The following DLGAP2 variants were observed in gnomAD, a reference collection of about 807,000 sequenced individuals.
DLGAP2 encodes disks large-associated protein 2.
In DLGAP2, 26 loss-of-function variants were observed where a neutral mutation model predicts 100.3. That is an observed-to-expected ratio of 0.26 (90% CI 0.19 to 0.36). The LOEUF is 0.36. Among genes scored for constraint, DLGAP2 ranks in the 10% least tolerant of loss-of-function variants. DLGAP2 has a pLI of 1.00. For missense variants in DLGAP2, 1,858 were observed against 1,453.2 expected, an observed-to-expected ratio of 1.28 and a Z score of -4.53; for synonymous variants, 886 against 630.1, an observed-to-expected ratio of 1.41 and a Z score of -6.08.
rs1210790522 is a variant in DLGAP2, at chr8:1,706,758, T to C, written c.*5352T>C. 1 of 152,116 alleles carries C rather than the reference T, an allele frequency of 6.6e-6. No homozygotes were observed. Among genetic ancestry groups the C allele is most frequent in the East Asian group, 1.9e-4 (1 of 5,188 alleles). 9.4% of individuals were successfully genotyped at this position (152,116 alleles called of 1,614,324 possible). A position where few individuals can be genotyped will look rare whatever the true frequency, so the allele number is the denominator to read the frequency against. ...AATTATTTGGAAGCCGAAAACCGCA[T>C]GGGTGGGGAAACATCAGGAACGAAA... On this transcript the variant is annotated 3_prime_UTR_variant, in exon 15 of 15. Transcript: ENST00000637795.
chr8:1,138,628 C>G (rs929056938), intron 2 of DLGAP2, among the ~76,000 whole-genome samples: 1 of 152,250 alleles, frequency 6.6e-6, no homozygotes, highest in Non-Finnish European at 1.5e-5. Context: ...CCAACGAATT[C>G]CGTCTTTAAA....
chr8:1,640,271 C>G (rs990852013), intron 8 of DLGAP2, among the ~76,000 whole-genome samples: 8 of 152,076 alleles, frequency 5.3e-5, no homozygotes, highest in Non-Finnish European at 1.2e-4. Context: ...GCTCAGAGTT[C>G]ACCCTGGGAA....
chr8:1,204,118 G>C (rs1018869605), intron 2 of DLGAP2, among the ~76,000 whole-genome samples: 2 of 152,348 alleles, frequency 1.3e-5, no homozygotes, highest in Admixed American at 6.5e-5. Context: ...TCTCTGAAAA[G>C]GTTGCCATAC....
chr8:1,350,726 T>C lies in DLGAP2; in HGVS notation c.106+91843T>C, dbSNP rs866510812. 9.0e-4 allele frequency among the ~76,000 whole-genome samples: 67 copies of C among 74,778 alleles called. 2 individuals carry two copies. The highest frequency in any genetic ancestry group is 1.2e-3 in the African/African-American group (23 of 18,772). The allele number at this position is 74,778 out of a possible 152,430, so 49.1% of individuals were successfully genotyped here. On this transcript the variant is annotated intron_variant, in intron 3 of 14. Coordinates refer to ENST00000637795, the MANE Select transcript of DLGAP2 (RefSeq NM_001346810.2). ...GTCCTGAGTGTGCGTGGAAAGGCCG[T>C]GCGGGTCCTGAGTGTGTGTGGAAAG...
At chr8:1,308,987 C>A (rs533666004) in intron 3 of DLGAP2, among the ~76,000 whole-genome samples, 74 of 152,170 alleles carry the variant, frequency 4.9e-4, no homozygotes, top group Non-Finnish European at 9.1e-4. Flanking sequence ...AGAGGTTCAG[C>A]AGCAGATTTG....
chr8:1,060,778 C>G (rs911982574), intron 2 of DLGAP2, among the ~76,000 whole-genome samples: 1 of 152,162 alleles, frequency 6.6e-6, no homozygotes, highest in East Asian at 1.9e-4. Flanking sequence ...CAGAGAGGGG[C>G]CTGCGGGTTC....
At chr8:1,218,194 T>A (rs1163898658) in intron 2 of DLGAP2, among the ~76,000 whole-genome samples, 1 of 152,248 alleles carries the variant, frequency 6.6e-6, no homozygotes, top group East Asian at 1.9e-4. Flanking sequence ...TTTTCTAGGT[T>A]CTCTTCCAGA....
At chr8:1,178,517 AAC>A (rs1181466060) in intron 2 of DLGAP2, among the ~76,000 whole-genome samples, 2 of 152,208 alleles carry the variant, frequency 1.3e-5, no homozygotes, top group African/African-American at 4.8e-5. Context: ...AACGTTGACA[AAC>A]ACAGCACTTG....
intron 2 of DLGAP2, among the ~76,000 whole-genome samples, chr8:1,167,875 C>T (rs952778420): frequency 6.8e-6 from 1 of 148,120 alleles, no homozygotes; most frequent in Non-Finnish European, 1.5e-5. Context: ...AAGTACTTAA[C>T]CTGAGTCCAT....
rs149103680 is a variant in DLGAP2, at chr8:1,138,075, G to A, written c.74-120776G>A. 5.4e-4 allele frequency among the ~76,000 whole-genome samples: 83 copies of A among 152,328 alleles called. No individual in the cohort carries two copies. The Middle Eastern group carries it at 0.014, about 25-fold the overall frequency. ...AAGCTTTTCACATCCACACTGCCCCGCTGACACCGGGATGGCAGCTCTTAA... is the reference window on the plus strand; with the variant it reads ...AAGCTTTTCACATCCACACTGCCCCACTGACACCGGGATGGCAGCTCTTAA... On this transcript the variant is annotated intron_variant, in intron 2 of 14. Transcript: ENST00000637795.
intron 2 of DLGAP2, among the ~76,000 whole-genome samples, chr8:1,151,640 G>A (rs1033794407): frequency 1.3e-5 from 2 of 152,286 alleles, no homozygotes; most frequent in South Asian, 2.1e-4. Context: ...GAAAGGAGGA[G>A]GGCAGAGAGC....
chr8:1,309,865 C>T lies in DLGAP2; in HGVS notation c.106+50982C>T, dbSNP rs188240399. Among the ~76,000 whole-genome samples the T allele has an allele frequency of 5.1e-3, 772 of 152,254 alleles. 3 individuals are homozygous for T. Among genetic ancestry groups the T allele is most frequent in the Middle Eastern group, 0.024 (7 of 294 alleles). On this transcript the variant is annotated intron_variant, in intron 3 of 14. Transcript: ENST00000637795. ...ATCCCAGCACTTTGGGAGGCCAAGG[C>T]GGGCAGATTTCTTGAGGTCAGGAGT... is the stretch of plus-strand genomic sequence containing the variant.
chr8:1,032,760 G>C (rs1802010710), intron 2 of DLGAP2: 1 of 152,230 alleles, frequency 6.6e-6, no homozygotes, highest in African/African-American at 2.4e-5. Flanking sequence ...GTAGAAATGA[G>C]ATGTGTTCCT....
chr8:1,267,895 C>G (rs1022837289), intron 3 of DLGAP2, among the ~76,000 whole-genome samples: 8 of 152,070 alleles, frequency 5.3e-5, no homozygotes, highest in African/African-American at 1.9e-4. Flanking sequence ...ATTTCATAGC[C>G]CTGTAGTTTT....
intron 3 of DLGAP2, among the ~76,000 whole-genome samples, chr8:1,389,228 G>T (rs964967635): frequency 6.8e-6 from 1 of 146,250 alleles, no homozygotes; most frequent in Non-Finnish European, 1.5e-5. Context: ...GGGAGGAGCG[G>T]TACTCTGGAG....
At chr8:779,408 C>T (rs1210071255) in intron 1 of DLGAP2, among the ~76,000 whole-genome samples, 1 of 152,044 alleles carries the variant, frequency 6.6e-6, no homozygotes, top group Non-Finnish European at 1.5e-5. Flanking sequence ...ACACTGGGGG[C>T]TCAACACAGT....
rs978413413 is a variant in DLGAP2, at chr8:981,538, A to G, written c.73+73572A>G. Among the ~76,000 whole-genome samples the G allele has an allele frequency of 5.3e-5, 8 of 152,140 alleles. 1 individual carries two copies. The highest frequency in any genetic ancestry group is 1.9e-4 in the African/African-American group (8 of 41,442). On this transcript the variant is annotated intron_variant, in intron 2 of 14. Transcript: ENST00000637795. ...CAGCAGCTGCGCCGTTTTACATTTT[A>G]CCAGCAGCGTACGAGGGTTCCAGTT...
chr8:1,657,753 A>G lies in DLGAP2; in HGVS notation c.1811-10576A>G, dbSNP rs149323356. 1.4e-3 allele frequency among the ~76,000 whole-genome samples: 208 copies of G among 152,320 alleles called. 1 individual carries two copies. Among genetic ancestry groups the G allele is most frequent in the African/African-American group, 4.7e-3 (196 of 41,562 alleles). On this transcript the variant is annotated intron_variant, in intron 8 of 14. Transcript: ENST00000637795. ...TATCAAAATCATTTTATGTACTGCA[A>G]TTTTTATTTAACCAGGACAACTGAT... is the stretch of plus-strand genomic sequence containing the variant.
intron 2 of DLGAP2, among the ~76,000 whole-genome samples, chr8:1,089,139 A>G (rs1376232970): frequency 6.8e-6 from 1 of 146,362 alleles, no homozygotes; most frequent in African/African-American, 2.6e-5. Flanking sequence ...CTCATCCAGC[A>G]GGCTATGCAA....
Sources: allele counts gnomAD v4.1 joint callset (sites outside exome capture counted in the v4.1 genomes callset), GRCh38; gene constraint gnomAD v4.1.1; transcripts MANE v1.5; gene names NCBI Gene and HGNC (gene_info 2026-07-23, HGNC 2026-07-21).